The following RTN2 variants were observed in gnomAD, a reference collection of about 807,000 sequenced individuals.
RTN2 encodes the protein reticulon-2.
RTN2 carries 36 observed loss-of-function variants against 63.7 expected under a neutral mutation model. That is an observed-to-expected ratio of 0.56 (90% CI 0.43 to 0.75). The LOEUF (loss-of-function observed/expected upper bound fraction) is 0.75. Among genes scored for constraint, RTN2 ranks in the 30% least tolerant of loss-of-function variants. RTN2 has a pLI of 0.00. For missense variants in RTN2, 673 were observed against 705.1 expected (o/e 0.95, Z 0.52); for synonymous variants, 312 against 313.0 (o/e 1.00, Z 0.03).
At chr19:45,488,411 GGA>G in intron 9 of RTN2, 58 bp downstream of exon 9, 1 of 1,564,510 alleles carries the variant, frequency 6.4e-7, no homozygotes, top group Non-Finnish European at 8.7e-7. Flanking sequence ...GGTTCTGGAA[GGA>G]GATGGTCAGA....
chr19:45,485,746 C>T lies in RTN2; in HGVS notation c.1600G>A (p.Ala534Thr), dbSNP rs770356619. ...GCTTTGGATCCGGAGACTGCGGCTGCTGCAGAGGCCAGGGCTCCGGTCCCT... is the reference window on the plus strand; with the variant it reads ...GCTTTGGATCCGGAGACTGCGGCTGTTGCAGAGGCCAGGGCTCCGGTCCCT... ...IPGTGALASAAAAVSGSKAKA... is the reference protein window; with the variant it reads ...IPGTGALASATAAVSGSKAKA... The change falls in exon 11 of 11, where the codon GCA becomes ACA. Residue 534 changes from alanine to threonine, a missense_variant. By Grantham distance (58) the Ala-to-Thr change is moderately conservative. Transcript: ENST00000245923. 6.2e-7 allele frequency: 1 copy of T among 1,614,084 alleles called. No individual in the cohort carries two copies. Among genetic ancestry groups the T allele is most frequent in the Non-Finnish European group, 8.5e-7 (1 of 1,180,010 alleles).
In RTN2 at chr19:45,485,650, G is replaced by A. The variant is rs1968002758; in HGVS notation, c.*58C>T. On this transcript the variant is annotated 3_prime_UTR_variant, in exon 11 of 11. Transcript: ENST00000245923. ...TGGGTGGGAACGGACAAGAGATGGAGGGGGCCAGAGGGCTGCGGGGGCTGG... is the reference window on the plus strand; with the variant it reads ...TGGGTGGGAACGGACAAGAGATGGAAGGGGCCAGAGGGCTGCGGGGGCTGG... 1 of 1,394,380 alleles carries A rather than the reference G, an allele frequency of 7.2e-7. No homozygotes were observed. The highest frequency in any genetic ancestry group is 1.2e-5 in the South Asian group (1 of 86,746). The allele number at this position is 1,394,380 out of a possible 1,614,324, so 86.4% of individuals were successfully genotyped here.
intron 5 of RTN2, 71 bp downstream of exon 5, chr19:45,493,089 A>C: frequency 7.3e-7 from 1 of 1,369,236 alleles, no homozygotes; most frequent in Non-Finnish European, 1.0e-6. Flanking sequence ...CCGGATGTGC[A>C]GGAGATAAGG....
intron 9 of RTN2, among the ~76,000 whole-genome samples, chr19:45,487,787 C>T (rs1968059419): frequency 6.8e-6 from 1 of 147,874 alleles, no homozygotes. Flanking sequence ...ACTAAAAATA[C>T]AAAAAATTAG....
intron 10 of RTN2, 46 bp downstream of exon 10, chr19:45,486,009 G>A: frequency 6.3e-7 from 1 of 1,577,872 alleles, no homozygotes; most frequent in Non-Finnish European, 8.7e-7. Flanking sequence ...AGGTTCCCAA[G>A]CTCCCCCACT....
At chr19:45,489,998 T>G (rs1017266659) in intron 5 of RTN2, among the ~76,000 whole-genome samples, 1 of 151,976 alleles carries the variant, frequency 6.6e-6, no homozygotes, top group Non-Finnish European at 1.5e-5. Context: ...GATTTGCAAT[T>G]TTTTAAAAAT....
intron 5 of RTN2, among the ~76,000 whole-genome samples, chr19:45,491,986 C>T (rs1167258908): frequency 6.6e-6 from 1 of 152,080 alleles, no homozygotes; most frequent in African/African-American, 2.4e-5. Flanking sequence ...AAGACCATAA[C>T]AGTTCTTATT....
chr19:45,485,545 C>T lies in RTN2; in HGVS notation c.*163G>A, dbSNP rs1438943382. The T allele has an allele frequency of 3.2e-6, 2 of 618,468 alleles. No individual in the cohort carries two copies. Among genetic ancestry groups the T allele is most frequent in the African/African-American group, 1.8e-5 (1 of 54,688 alleles). The allele number at this position is 618,468 out of a possible 1,614,324, so 38.3% of individuals were successfully genotyped here. ...GCCTCTTGGGAAATGTAGTCCTGGT[C>T]GCTCAGGTAATTAGCGCAGAGTCCC... is the stretch of plus-strand genomic sequence containing the variant. On this transcript the variant is annotated 3_prime_UTR_variant, in exon 11 of 11. Transcript: ENST00000245923.
chr19:45,485,833 C>T lies in RTN2; in HGVS notation c.1557-44G>A, dbSNP rs1472110227. On this transcript the variant is annotated intron_variant, in intron 10 of 10. Transcript: ENST00000245923. ...GGATCACGAGGTGGGGCAAGAGACG[C>T]GGGGTGGGCATCTGGGGACAACGGG... The T allele has an allele frequency of 3.4e-6, 5 of 1,460,610 alleles. No individual in the cohort carries two copies. The East Asian group carries it at 9.1e-5, about 27-fold the overall frequency. 90.5% of individuals were successfully genotyped at this position (1,460,610 alleles called of 1,614,324 possible).
At chr19:45,495,880 G>A (rs1315156829) in intron 1 of RTN2, among the ~76,000 whole-genome samples, 1 of 152,198 alleles carries the variant, frequency 6.6e-6, no homozygotes, top group Non-Finnish European at 1.5e-5. Flanking sequence ...TTTGTAATCT[G>A]AAGTTAACGA....
rs1174690348 is a variant in RTN2, at chr19:45,485,489, T to G, written c.*219A>C. ...GTCCCAGCAGGCCCCGCGGCCAAGG[T>G]GCCTCGTCTTTCCTGGACTCCTGGA... On this transcript the variant is annotated 3_prime_UTR_variant, in exon 11 of 11. Transcript: ENST00000245923. The G allele has an allele frequency of 1.2e-5, 7 of 561,682 alleles. No homozygotes were observed. Among genetic ancestry groups the G allele is most frequent in the South Asian group, 2.2e-5 (1 of 45,300 alleles). The allele number at this position is 561,682 out of a possible 1,614,324, so 34.8% of individuals were successfully genotyped here.
chr19:45,489,353 G>T lies in RTN2; in HGVS notation c.1234C>A (p.Pro412Thr). The stretch of plus-strand genomic sequence containing the variant: ...GGGGCCGGGGGTTCTCACTGGAAAG[G>T]GTTGGCTCCATCCCCCCGGTGCACG... The part of the protein sequence containing the change: ...QAVHRGDGAN[P>T]FQAYLDVDLT... Residue 412 changes from proline (P) to threonine (T), a missense_variant, in exon 6 of 11, where the codon CCT becomes ACT. Coordinates refer to ENST00000245923, the MANE Select transcript of RTN2 (RefSeq NM_005619.5). The T allele has an allele frequency of 6.4e-7, 1 of 1,563,306 alleles. No individual in the cohort carries two copies. Among genetic ancestry groups the T allele is most frequent in the East Asian group, 2.4e-5 (1 of 42,056 alleles).
intron 1 of RTN2, among the ~76,000 whole-genome samples, chr19:45,495,811 T>C (rs917072425): frequency 6.7e-6 from 1 of 149,674 alleles, no homozygotes; most frequent in African/African-American, 2.5e-5. Flanking sequence ...AGGAGAGGAG[T>C]GGGAGGTGAG....
chr19:45,488,668 G>A lies in RTN2; in HGVS notation c.1419C>T (p.Ala473=). The part of the protein sequence containing the change: ...LLFYILTFVG[A]IFNGLTLLIL... Reference sequence around the variant, plus strand: ...TGAGAAGAGTCAAACCATTGAAGATGGCACCCACGAAGGTCAAGATGTAGA... The same window carrying A: ...TGAGAAGAGTCAAACCATTGAAGATAGCACCCACGAAGGTCAAGATGTAGA... The change falls in exon 8 of 11, where the codon GCC becomes GCT. Residue 473 remains alanine (A), a synonymous_variant. Transcript: ENST00000245923. 1 of 1,613,992 alleles carries A rather than the reference G, an allele frequency of 6.2e-7. No homozygotes were observed. Among genetic ancestry groups the A allele is most frequent in the Non-Finnish European group, 8.5e-7 (1 of 1,179,968 alleles).
chr19:45,492,541 A>T (rs1392337971), intron 5 of RTN2, among the ~76,000 whole-genome samples: 1 of 152,102 alleles, frequency 6.6e-6, no homozygotes, highest in East Asian at 1.9e-4. Flanking sequence ...CTGTGGCTTA[A>T]AAAGAAAAAG....
Position 45,493,163 on chromosome 19 carries a change from T to C in RTN2, c.1030A>G (p.Lys344Glu), listed in dbSNP as rs748705806. The change falls in exon 5 of 11, where the codon AAA (lysine) becomes GAA (glutamate). Residue 344 changes from lysine to glutamate, a missense_variant. Transcript: ENST00000245923. Reference sequence around the variant, plus strand: ...CCAGCCCGTTCCGCAAGCCCACCTTTACTCCCCATATCGGCTCCGAGTGAG... The same window carrying C: ...CCAGCCCGTTCCGCAAGCCCACCTTCACTCCCCATATCGGCTCCGAGTGAG... ...SLSLGADMGS[K>E]VADLLYWKDT... The C allele has an allele frequency of 1.2e-6, 2 of 1,611,506 alleles. No homozygotes were observed. The highest frequency in any genetic ancestry group is 1.7e-6 in the Non-Finnish European group (2 of 1,179,778).
intron 5 of RTN2, among the ~76,000 whole-genome samples, chr19:45,490,888 G>GT (rs1490511078): frequency 3.8e-5 from 5 of 132,538 alleles, no homozygotes; most frequent in African/African-American, 8.4e-5. Context: ...TGGTTTGTTT[G>GT]TTTGTTTTTT....
rs527485978 is a variant in RTN2 at position 45,491,423 on chromosome 19, T to C, written c.1033+1737A>G. On this transcript the variant is annotated intron_variant, in intron 5 of 10. Transcript: ENST00000245923. ...TCACCCAGGCTGGAGTACAGTGGCATGATCTCAGCTCACTGCAGCCTCTGC... is the reference window on the plus strand; with the variant it reads ...TCACCCAGGCTGGAGTACAGTGGCACGATCTCAGCTCACTGCAGCCTCTGC... Among the ~76,000 whole-genome samples, 5 of 150,646 alleles carry C rather than the reference T, an allele frequency of 3.3e-5. No individual in the cohort carries two copies. The South Asian group carries it at 1.1e-3, about 32-fold the overall frequency.
chr19:45,494,745 T>C lies in RTN2; in HGVS notation c.340A>G (p.Ser114Gly), dbSNP rs1460905392. 1.2e-6 allele frequency: 2 copies of C among 1,610,764 alleles called. No individual in the cohort carries two copies. Among genetic ancestry groups the C allele is most frequent in the African/African-American group, 2.7e-5 (2 of 74,892 alleles). The change falls in exon 3 of 11, where the codon AGC becomes GGC. Residue 114 changes from serine to glycine, a missense_variant. Transcript: ENST00000245923. The surrounding 1 kb of genome is among the most constrained non-coding windows in gnomAD (Gnocchi z 5.3). ...CCAGGCTCCGGGGATTGGCTCAGGC[T>C]GGGGATGCTCTCCAAGCTGTCGCCC... ...SLGDSLESIP[S>G]LSQSPEPGRR...
Sources: gnomAD v4.1 joint callset for allele counts (sites outside exome capture counted in the v4.1 genomes callset) on GRCh38, gnomAD v4.1.1 for gene constraint, Gnocchi (gnomAD v3.1) non-coding constraint, MANE v1.5 for transcripts, NCBI Gene and HGNC (gene_info 2026-07-23, HGNC 2026-07-21) for gene names.